The following IDH3A variants were observed in gnomAD, a reference collection of about 807,000 sequenced individuals.
IDH3A encodes isocitrate dehydrogenase [NAD] subunit alpha, mitochondrial.
IDH3A carries 23 observed loss-of-function variants against 43.3 expected under a neutral mutation model. That is an observed-to-expected ratio of 0.53 (90% CI 0.38 to 0.75). The LOEUF (loss-of-function observed/expected upper bound fraction) is 0.75. IDH3A is among the 30% of genes least tolerant of loss of function. The pLI, the probability that IDH3A is intolerant of heterozygous loss-of-function variation, is 0.00. For synonymous variants in IDH3A, 154 were observed against 163.5 expected (o/e 0.94, Z 0.44); for missense variants, 329 against 474.4 (o/e 0.69, Z 2.85).
At chr15:78,150,730 AAT>A (rs1428299579) in intron 1 of IDH3A, 1 of 152,182 alleles carries the variant, frequency 6.6e-6, no homozygotes, top group Non-Finnish European at 1.5e-5. Flanking sequence ...CTTTCTTATC[AAT>A]ATGTTTATCT....
rs763962799 is a variant in IDH3A at position 78,158,448 on chromosome 15, C to CACATATATATATATATAT, written c.174+818_174+819insCATATATATATATATATA. 9.1e-3 allele frequency among the ~76,000 whole-genome samples: 257 copies of CACATATATATATATATAT among 28,224 alleles called. 11 individuals carry two copies. Among genetic ancestry groups the CACATATATATATATATAT allele is most frequent in the South Asian group, 0.037 (32 of 870 alleles). 18.5% of individuals were successfully genotyped at this position (28,224 alleles called of 152,430 possible). On this transcript the variant is annotated intron_variant, in intron 3 of 10. Transcript: ENST00000299518. ...TCATAGGTTATGCAATACATACATA[C>CACATATATATATATATAT]ATATATATATATATATTTTTTTTTT...
rs74024178 is a variant in IDH3A, at chr15:78,154,212, A to G, written c.28-1001A>G. 3.9e-3 allele frequency among the ~76,000 whole-genome samples: 583 copies of G among 149,962 alleles called. 6 individuals are homozygous for G. The highest frequency in any genetic ancestry group is 0.013 in the African/African-American group (549 of 41,064). ...AGAAAAAAAAAAAAAAACACGTACCAGTGGTAATATCTTGGTGTGGTGGGA... is the reference window on the plus strand; with the variant it reads ...AGAAAAAAAAAAAAAAACACGTACCGGTGGTAATATCTTGGTGTGGTGGGA... On this transcript the variant is annotated intron_variant, in intron 1 of 10. Transcript: ENST00000299518.
intron 9 of IDH3A, 38 bp from the exon 10 acceptor site, chr15:78,166,112 G>T (rs1413864185): frequency 6.3e-7 from 1 of 1,597,818 alleles, no homozygotes; most frequent in Non-Finnish European, 8.6e-7. Context: ...GTTAGTTTTT[G>T]TCTCTCCCTT....
chr15:78,156,161 A>G (rs1438841197), intron 2 of IDH3A, among the ~76,000 whole-genome samples: 1 of 152,244 alleles, frequency 6.6e-6, no homozygotes, highest in Non-Finnish European at 1.5e-5. Flanking sequence ...CTTCAAGCTC[A>G]AGGATAGCCA....
intron 10 of IDH3A, chr15:78,167,469 C>T (rs1180870770): frequency 6.6e-6 from 1 of 152,164 alleles, no homozygotes; most frequent in East Asian, 1.9e-4. Context: ...AGACTCATCC[C>T]TAATTTGAGG....
At chr15:78,152,611 C>A (rs1207498822) in intron 1 of IDH3A, among the ~76,000 whole-genome samples, 2 of 152,112 alleles carry the variant, frequency 1.3e-5, no homozygotes, top group Non-Finnish European at 2.9e-5. Flanking sequence ...TTGCCTGCCT[C>A]AGCCTCCCAA....
rs1449065470 is a variant in IDH3A at position 78,162,171 on chromosome 15, C to T, written c.478-63C>T. 6 of 1,591,378 alleles carry T rather than the reference C, an allele frequency of 3.8e-6. No individual in the cohort carries two copies. The Admixed American group carries it at 8.4e-5, about 22-fold the overall frequency. On this transcript the variant is annotated intron_variant, in intron 5 of 10. Coordinates refer to ENST00000299518, the MANE Select transcript of IDH3A (RefSeq NM_005530.3). Reference sequence around the variant, plus strand: ...CAAATGTTACTGTCTACTCCCCACCCTCTGTCTCCCACTGCGTTGCTGTCA... The same window carrying T: ...CAAATGTTACTGTCTACTCCCCACCTTCTGTCTCCCACTGCGTTGCTGTCA...
rs754748815 is a variant in IDH3A, at chr15:78,171,629, A to G, written c.*2624A>G. ...CACTCAGTCCTATATATAACTCAGG[A>G]ATTAAGCCAGATAATCAGGACCGTC... On this transcript the variant is annotated 3_prime_UTR_variant, in exon 11 of 11. Transcript: ENST00000299518. 21 of 982,176 alleles carry G rather than the reference A, an allele frequency of 2.1e-5. No individual in the cohort carries two copies. The highest frequency in any genetic ancestry group is 3.1e-5 in the Non-Finnish European group (20 of 636,270). 60.8% of individuals were successfully genotyped at this position (982,176 alleles called of 1,614,324 possible). A position where few individuals can be genotyped will look rare whatever the true frequency, so the allele number is the denominator to read the frequency against.
In IDH3A at chr15:78,166,150, G is replaced by A. The variant is rs1350206159; in HGVS notation, c.865G>A (p.Val289Ile). 3 of 1,613,520 alleles carry A rather than the reference G, an allele frequency of 1.9e-6. No individual in the cohort carries two copies. The highest frequency in any genetic ancestry group is 2.5e-6 in the Non-Finnish European group (3 of 1,179,598). ...GANGVAIFES[V>I]HGTAPDIAGK... ...TGATGCTACTTTTCCCGATGTGTAG[G>A]TTCATGGGACGGCTCCAGACATTGC... Residue 289 changes from valine to isoleucine, a missense_variant and splice_region_variant, in exon 10 of 11, where the codon GTT (valine) becomes ATT (isoleucine). Around this residue, in one of 3 missense-constraint regions of IDH3A, gnomAD observed 91 missense variants for 111.6 expected, o/e 0.82. Transcript: ENST00000299518.
In IDH3A at chr15:78,170,614, T is replaced by C. The variant is rs1307785146; in HGVS notation, c.*1609T>C. On this transcript the variant is annotated 3_prime_UTR_variant, in exon 11 of 11. Transcript: ENST00000299518. ...TTTTGGCTCAGCTTGCTACTGAGAA[T>C]GGCTGCTTCCCGTATTCAGAATGGA... 1 of 152,384 alleles carries C rather than the reference T, an allele frequency of 6.6e-6. No homozygotes were observed. 9.4% of individuals were successfully genotyped at this position (152,384 alleles called of 1,614,324 possible). A position where few individuals can be genotyped will look rare whatever the true frequency, so the allele number is the denominator to read the frequency against.
intron 10 of IDH3A, among the ~76,000 whole-genome samples, chr15:78,166,901 G>A (rs144591909): frequency 0.057 from 8,728 of 152,124 alleles, 873 homozygotes; most frequent in African/African-American, 0.2. Context: ...CAAAGTGCTG[G>A]GATTACAGGC....
chr15:78,168,877 T>C (rs1005204766), intron 10 of IDH3A, 45 bp from the exon 11 acceptor site: 2 of 1,272,828 alleles, frequency 1.6e-6, no homozygotes, highest in Non-Finnish European at 2.3e-6. Flanking sequence ...TGGTTTAGTT[T>C]AGTTTGCGGA....
chr15:78,157,184 T>TTTG lies in IDH3A; in HGVS notation c.91-353_91-351dup. On this transcript the variant is annotated intron_variant, in intron 2 of 10. Transcript: ENST00000299518. ...TTTAGTGAGAGAACATTGTTAATTT[T>TTTG]TTGTTGTTGTTGTCTTTGGTTTAAA... 2.7e-6 allele frequency: 3 copies of TTTG among 1,113,294 alleles called. No homozygotes were observed. In the South Asian group the frequency reaches 6.8e-5, roughly 25 times the overall value. 69.0% of individuals were successfully genotyped at this position (1,113,294 alleles called of 1,614,324 possible).
chr15:78,160,788 G>A (rs2074674138), intron 4 of IDH3A, among the ~76,000 whole-genome samples: 1 of 151,338 alleles, frequency 6.6e-6, no homozygotes, highest in Non-Finnish European at 1.5e-5. Context: ...CTTAGCCACT[G>A]TGCCTGGCCT....
intron 10 of IDH3A, 84 bp downstream of exon 10, chr15:78,166,386 T>TAATA: frequency 1.4e-6 from 2 of 1,404,984 alleles, no homozygotes; most frequent in Non-Finnish European, 1.0e-6. Context: ...CAGTGACAGA[T>TAATA]AATAGTTCTC....
At chr15:78,160,562 G>A (rs577078180) in intron 4 of IDH3A, among the ~76,000 whole-genome samples, 4 of 152,154 alleles carry the variant, frequency 2.6e-5, no homozygotes, top group African/African-American at 9.6e-5. Flanking sequence ...TGTGATCACA[G>A]CTCACTGCAG....
intron 2 of IDH3A, chr15:78,156,942 G>A (rs1256165420): frequency 2.2e-6 from 3 of 1,351,584 alleles, no homozygotes; most frequent in Non-Finnish European, 2.9e-6. Context: ...ATTACTCTTA[G>A]ATTTAAGCAG....
chr15:78,171,610 G>A lies in IDH3A; in HGVS notation c.*2605G>A. 1 of 1,163,746 alleles carries A rather than the reference G, an allele frequency of 8.6e-7. No individual in the cohort carries two copies. The highest frequency in any genetic ancestry group is 1.3e-6 in the Non-Finnish European group (1 of 780,422). The allele number at this position is 1,163,746 out of a possible 1,614,324, so 72.1% of individuals were successfully genotyped here. On this transcript the variant is annotated 3_prime_UTR_variant, in exon 11 of 11. Coordinates refer to ENST00000299518, the MANE Select transcript of IDH3A (RefSeq NM_005530.3). ...TGTGTGTGGTAAAGACTCACACTCA[G>A]TCCTATATATAACTCAGGAATTAAG...
intron 3 of IDH3A, among the ~76,000 whole-genome samples, chr15:78,159,753 G>A (rs1222921738): frequency 7.2e-5 from 11 of 152,184 alleles, no homozygotes; most frequent in Admixed American, 7.2e-4. Flanking sequence ...CACTTTGGGA[G>A]GCCGAAGTGG....
Sources: allele counts gnomAD v4.1 joint callset (sites outside exome capture counted in the v4.1 genomes callset), GRCh38; gene constraint gnomAD v4.1.1; regional missense constraint gnomAD v4.1.1; transcripts MANE v1.5; gene names NCBI Gene and HGNC (gene_info 2026-07-23, HGNC 2026-07-21).